PLCL2: variants seen among roughly 807,000 people sequenced by gnomAD.
PLCL2 encodes phospholipase C like 2.
Under a neutral mutation model 79.6 loss-of-function variants are expected in PLCL2, and 4 were observed. The observed-to-expected ratio is 0.05, with a 90% CI of 0.02 to 0.11. The LOEUF is 0.11. Ranked by LOEUF, PLCL2 falls within the 10% of genes least tolerant of loss-of-function variation. The pLI is 1.00. For synonymous variants in PLCL2, 484 were observed against 457.7 expected, an observed-to-expected ratio of 1.06 and a Z score of -0.73; for missense variants, 895 against 1,291.0, an observed-to-expected ratio of 0.69 and a Z score of 4.70.
intron 5 of PLCL2, among the ~76,000 whole-genome samples, chr3:17,081,705 C>G (rs994758162): frequency 6.6e-6 from 1 of 152,194 alleles, no homozygotes; most frequent in African/African-American, 2.4e-5. Context: ...TGCCATCATT[C>G]TTTTCCTGGC....
intron 1 of PLCL2, among the ~76,000 whole-genome samples, chr3:16,934,256 A>G (rs1697484428): frequency 6.6e-6 from 1 of 152,172 alleles, no homozygotes; most frequent in South Asian, 2.1e-4. Context: ...TAAGTGCAGG[A>G]TGCTGTGGAC....
intron 2 of PLCL2, among the ~76,000 whole-genome samples, 153 bp downstream of exon 2, chr3:17,012,313 A>G (rs1342289446): frequency 6.6e-6 from 1 of 152,196 alleles, no homozygotes; most frequent in Non-Finnish European, 1.5e-5. Flanking sequence ...TCTGTTTTTT[A>G]TCATTTAACT....
In PLCL2 at chr3:16,921,994, A is replaced by G. The variant is rs532754116; in HGVS notation, c.327+36628A>G. 3.2e-4 allele frequency among the ~76,000 whole-genome samples: 49 copies of G among 152,330 alleles called. 1 individual carries two copies. The South Asian group carries it at 0.01, about 32-fold the overall frequency. ...TTTAGCAGAGCAAAAAAAGAGAGAA[A>G]AAAGTTGCATGCAACTATTTAAAAA... On this transcript the variant is annotated intron_variant, in intron 1 of 5. Coordinates refer to ENST00000615277, the MANE Select transcript of PLCL2 (RefSeq NM_001144382.2).
Position 16,985,903 on chromosome 3 carries a change from G to A in PLCL2, c.328-23771G>A, listed in dbSNP as rs745780064. Among the ~76,000 whole-genome samples, 48 of 152,230 alleles carry A rather than the reference G, an allele frequency of 3.2e-4. 1 individual carries two copies. The highest frequency in any genetic ancestry group is 6.0e-4 in the Non-Finnish European group (41 of 68,026). ...AAATGGGACAGTTTTCAATATTCCCGGCAGCCCCTTGGAGATACCAGGAGG... is the reference window on the plus strand; with the variant it reads ...AAATGGGACAGTTTTCAATATTCCCAGCAGCCCCTTGGAGATACCAGGAGG... On this transcript the variant is annotated intron_variant, in intron 1 of 5. Coordinates refer to ENST00000615277, the MANE Select transcript of PLCL2 (RefSeq NM_001144382.2).
At chr3:16,995,945 AAGT>A (rs768465057) in intron 1 of PLCL2, among the ~76,000 whole-genome samples, 41 of 152,344 alleles carry the variant, frequency 2.7e-4, no homozygotes, top group East Asian at 2.1e-3. Flanking sequence ...AGCCACACTC[AAGT>A]AAAGTAAACC....
intron 1 of PLCL2, among the ~76,000 whole-genome samples, chr3:16,987,752 C>T (rs897369212): frequency 1.2e-4 from 18 of 152,084 alleles, no homozygotes; most frequent in African/African-American, 4.4e-4. Flanking sequence ...AATTTTGATT[C>T]ACGTATTCTC....
intron 5 of PLCL2, 35 bp from the exon 6 acceptor site, chr3:17,089,698 T>C: frequency 2.4e-6 from 3 of 1,233,304 alleles, no homozygotes; most frequent in Non-Finnish European, 3.5e-6. Context: ...AGTTATGTCA[T>C]ATCTAATACT....
chr3:16,924,333 A>G (rs1458640995), intron 1 of PLCL2, among the ~76,000 whole-genome samples: 3 of 152,166 alleles, frequency 2.0e-5, no homozygotes, highest in African/African-American at 4.8e-5. Flanking sequence ...TATAAAGTCT[A>G]TATTCTTTAT....
intron 1 of PLCL2, among the ~76,000 whole-genome samples, chr3:16,935,003 A>G (rs780921853): frequency 2.6e-4 from 40 of 152,252 alleles, no homozygotes; most frequent in Admixed American, 1.3e-3. Context: ...AATGTAGTCA[A>G]ATTGCCTCCA....
At chr3:16,937,285 A>G (rs996876162) in intron 1 of PLCL2, among the ~76,000 whole-genome samples, 1 of 152,228 alleles carries the variant, frequency 6.6e-6, no homozygotes, top group Admixed American at 6.5e-5. Flanking sequence ...ACTTCATGAA[A>G]ATATAATTAA....
intron 1 of PLCL2, among the ~76,000 whole-genome samples, chr3:16,948,635 T>C (rs921753718): frequency 1.3e-5 from 2 of 152,226 alleles, no homozygotes; most frequent in African/African-American, 4.8e-5. Context: ...GCATGGTCAG[T>C]GACAGAGGTA....
At chr3:16,932,923 T>C (rs1242114813) in intron 1 of PLCL2, among the ~76,000 whole-genome samples, 1 of 152,214 alleles carries the variant, frequency 6.6e-6, no homozygotes, top group Non-Finnish European at 1.5e-5. Context: ...TTCTTTTCTT[T>C]AGTTCATCCA....
rs1427577655 is a variant in PLCL2, at chr3:17,090,424, G to C, written c.*512G>C. ...GTTCCCTGAATCCCCGGGGTCCTTG[G>C]AGAGCCATCGAGGAGAATGTGCAAT... On this transcript the variant is annotated 3_prime_UTR_variant, in exon 6 of 6. Coordinates refer to ENST00000615277, the MANE Select transcript of PLCL2 (RefSeq NM_001144382.2). 3 of 198,312 alleles carry C rather than the reference G, an allele frequency of 1.5e-5. No homozygotes were observed. The highest frequency in any genetic ancestry group is 7.1e-5 in the African/African-American group (3 of 42,288). The allele number at this position is 198,312 out of a possible 1,614,324, so 12.3% of individuals were successfully genotyped here.
intron 3 of PLCL2, among the ~76,000 whole-genome samples, chr3:17,034,718 C>T (rs984632934): frequency 3.9e-5 from 6 of 152,140 alleles, no homozygotes; most frequent in East Asian, 1.9e-4. Context: ...ACCAGAAATA[C>T]GCTGTGGAAA....
At chr3:17,020,257 A>G (rs1036117341) in intron 3 of PLCL2, among the ~76,000 whole-genome samples, 2 of 152,206 alleles carry the variant, frequency 1.3e-5, no homozygotes, top group Non-Finnish European at 2.9e-5. Flanking sequence ...ATATTTTGTG[A>G]CGTATTACAT....
chr3:16,941,289 T>G (rs1164360321), intron 1 of PLCL2, among the ~76,000 whole-genome samples: 2 of 152,228 alleles, frequency 1.3e-5, no homozygotes, highest in African/African-American at 2.4e-5. Flanking sequence ...TCAATTCCAC[T>G]GTTGCATTAG....
At chr3:17,058,390 C>G (rs1040853666) in intron 4 of PLCL2, among the ~76,000 whole-genome samples, 1 of 152,134 alleles carries the variant, frequency 6.6e-6, no homozygotes, top group African/African-American at 2.4e-5. Flanking sequence ...CAAAAACAAA[C>G]ATTCTGAAGG....
intron 1 of PLCL2, among the ~76,000 whole-genome samples, chr3:16,912,444 G>GA (rs1357820760): frequency 6.6e-6 from 1 of 152,192 alleles, no homozygotes; most frequent in Non-Finnish European, 1.5e-5. Flanking sequence ...GGTATATTTA[G>GA]AAAATATTAC....
At chr3:17,059,913 G>T (rs577378609) in intron 4 of PLCL2, among the ~76,000 whole-genome samples, 5 of 152,274 alleles carry the variant, frequency 3.3e-5, no homozygotes, top group Admixed American at 6.5e-5. Context: ...CAGTCACGAG[G>T]GCCTTGTATG....
Sources: allele counts gnomAD v4.1 joint callset (sites outside exome capture counted in the v4.1 genomes callset), GRCh38; gene constraint gnomAD v4.1.1; transcripts MANE v1.5; gene names NCBI Gene and HGNC (gene_info 2026-07-23, HGNC 2026-07-21).